The following RFX2 variants were observed in gnomAD, a reference collection of about 807,000 sequenced individuals.
The protein encoded by RFX2 is regulatory factor X2.
RFX2 carries 20 observed loss-of-function variants against 87.8 expected under a neutral mutation model. That is an observed-to-expected ratio of 0.23 (90% CI 0.16 to 0.33). The LOEUF (loss-of-function observed/expected upper bound fraction) is 0.33. Ranked by LOEUF, RFX2 falls within the 10% of genes least tolerant of loss-of-function variation. The pLI, the probability that RFX2 is intolerant of heterozygous loss-of-function variation, is 1.00. For missense variants in RFX2, 767 were observed against 1,012.3 expected (o/e 0.76, Z 3.29); for synonymous variants, 397 against 431.3 (o/e 0.92, Z 0.98).
rs1383911769 is a variant in RFX2 at position 5,994,489 on chromosome 19, A to T, written c.*346T>A. The T allele has an allele frequency of 3.8e-6, 1 of 259,860 alleles. No homozygotes were observed. The highest frequency in any genetic ancestry group is 7.4e-6 in the Non-Finnish European group (1 of 134,490). 16.1% of individuals were successfully genotyped at this position (259,860 alleles called of 1,614,324 possible). ...GTTGAGTGCAGAGGCCAGTGCTCTC[A>T]GCACAGCCCTTTCAGCTCTTAAAGG... On this transcript the variant is annotated 3_prime_UTR_variant, in exon 18 of 18. Transcript: ENST00000303657.
At chr19:6,003,675 A>AG (rs1034183543) in intron 13 of RFX2, among the ~76,000 whole-genome samples, 1 of 145,624 alleles carries the variant, frequency 6.9e-6, no homozygotes, top group Non-Finnish European at 1.5e-5. Flanking sequence ...GCTATTCGGG[A>AG]GGCTGAGGCA....
chr19:6,045,812 C>T lies in RFX2; in HGVS notation c.91-1530G>A, dbSNP rs2087181328. 4.6e-5 allele frequency among the ~76,000 whole-genome samples: 7 copies of T among 152,140 alleles called. No individual in the cohort carries two copies. In the South Asian group the frequency reaches 1.2e-3, roughly 27 times the overall value. On this transcript the variant is annotated intron_variant, in intron 2 of 17. Coordinates refer to ENST00000303657, the MANE Select transcript of RFX2 (RefSeq NM_000635.4). This position sits in a 1 kb window ranked among gnomAD's most constrained non-coding sequence, Gnocchi z 5.2. ...TCAGCTTCCCGAGTAGCTGGGATTA[C>T]AAGCATGTGCCACAATGCTCGGCTA... is the stretch of plus-strand genomic sequence containing the variant.
chr19:6,000,645 G>A (rs2086478624), intron 15 of RFX2, among the ~76,000 whole-genome samples: 1 of 152,242 alleles, frequency 6.6e-6, no homozygotes, highest in Admixed American at 6.5e-5. Context: ...TCTCTTGCCT[G>A]CCGCCATGGA....
intron 1 of RFX2, chr19:6,073,159 T>C (rs1346060600): frequency 4.5e-6 from 2 of 443,806 alleles, no homozygotes; most frequent in Non-Finnish European, 8.4e-6. Context: ...TTTGTATTTT[T>C]ATTAGAGACG....
intron 1 of RFX2, among the ~76,000 whole-genome samples, chr19:6,081,273 C>T (rs1568188743): frequency 6.6e-6 from 1 of 152,230 alleles, no homozygotes; most frequent in East Asian, 1.9e-4. Flanking sequence ...CTTTGGGAGG[C>T]CAAGGTGAGA....
chr19:6,050,750 G>GA lies in RFX2; in HGVS notation c.-8-3247dup, dbSNP rs1197753573. 1.3e-5 allele frequency among the ~76,000 whole-genome samples: 2 copies of GA among 151,974 alleles called. No individual in the cohort carries two copies. Among genetic ancestry groups the GA allele is most frequent in the African/African-American group, 4.8e-5 (2 of 41,396 alleles). ...CAGAAGAGAAAAAGAGAATGTAAGA[G>GA]AAAAAAATATTGAAAAATGGCCAAA... is the stretch of plus-strand genomic sequence containing the variant. On this transcript the variant is annotated intron_variant, in intron 1 of 17. Transcript: ENST00000303657. This position sits in a 1 kb window ranked among gnomAD's most constrained non-coding sequence, Gnocchi z 4.6.
At position 6,046,605 on chromosome 19, in the gene RFX2, CTTTTTTTTTTTT is replaced by C. The variant is rs55854937; in HGVS notation, c.90+790_90+801del. 9.8e-3 allele frequency among the ~76,000 whole-genome samples: 892 copies of C among 90,606 alleles called. 13 individuals carry two copies. Among genetic ancestry groups the C allele is most frequent in the African/African-American group, 0.034 (847 of 25,150 alleles). The allele number at this position is 90,606 out of a possible 152,430, so 59.4% of individuals were successfully genotyped here. ...TCTAACTCATCTTTTGCCTTTTTGC[CTTTTTTTTTTTT>C]TTTTTTTTTTTTTTGTCACTTAGGT... On this transcript the variant is annotated intron_variant, in intron 2 of 17. Coordinates refer to ENST00000303657, the MANE Select transcript of RFX2 (RefSeq NM_000635.4).
In RFX2 at chr19:6,044,087, C is replaced by G; in HGVS notation, c.180+106G>C. The G allele has an allele frequency of 1.7e-6, 1 of 575,406 alleles. No homozygotes were observed. 35.6% of individuals were successfully genotyped at this position (575,406 alleles called of 1,614,324 possible). ...TTGGCTAAGAAACTGAAGCTTACAA[C>G]AAGGAACAGCAGCCACAGAAAAGGA... On this transcript the variant is annotated intron_variant, in intron 3 of 17. Transcript: ENST00000303657. The surrounding 1 kb of genome is among the most constrained non-coding windows in gnomAD (Gnocchi z 5.3).
At chr19:6,031,964 A>T (rs1010038568) in intron 5 of RFX2, among the ~76,000 whole-genome samples, 4 of 151,984 alleles carry the variant, frequency 2.6e-5, no homozygotes, top group Admixed American at 6.6e-5. Context: ...AAATATGGAG[A>T]CACGAGACAG....
intron 1 of RFX2, among the ~76,000 whole-genome samples, chr19:6,107,338 C>T (rs1599941673): frequency 1.3e-5 from 2 of 148,524 alleles, no homozygotes; most frequent in Non-Finnish European, 3.0e-5. Flanking sequence ...GTGCAGGGGC[C>T]GGGTTTGGTG....
intron 5 of RFX2, among the ~76,000 whole-genome samples, chr19:6,035,057 C>T (rs1158159663): frequency 6.6e-6 from 1 of 152,120 alleles, no homozygotes; most frequent in East Asian, 1.9e-4. Flanking sequence ...TGATCTTCTG[C>T]TGTATTAGTC....
chr19:6,043,038 T>G (rs1233366348), intron 3 of RFX2, among the ~76,000 whole-genome samples: 1 of 152,172 alleles, frequency 6.6e-6, no homozygotes, highest in African/African-American at 2.4e-5. Context: ...GAGCATGGTA[T>G]GCACTTGTCC....
At chr19:6,072,159 A>G (rs2087615731) in intron 1 of RFX2, 1 of 152,270 alleles carries the variant, frequency 6.6e-6, no homozygotes, top group African/African-American at 2.4e-5. Context: ...TGAGAGATGG[A>G]AAGAGAAACA....
At chr19:6,042,152 C>G (rs1428797248) in intron 3 of RFX2, 29 bp from the exon 4 acceptor site, 12 of 1,596,314 alleles carry the variant, frequency 7.5e-6, no homozygotes, top group Non-Finnish European at 1.0e-5. Flanking sequence ...TGCGTTACCG[C>G]CAGTCACGCC....
chr19:6,029,144 C>T (rs1267123034), intron 5 of RFX2, among the ~76,000 whole-genome samples: 1 of 149,758 alleles, frequency 6.7e-6, no homozygotes, highest in Non-Finnish European at 1.5e-5. Flanking sequence ...CGATCAACAA[C>T]ACCTATAAGC....
In RFX2 at chr19:6,004,267, G is replaced by A; in HGVS notation, c.1434C>T (p.Ala478=). ...TTGTCAACCAGCCTTCCAAGCTCTT[G>A]GCAAAGTTACGGATGGCCTGTGTCA... ...STLTQAIRNF[A]KSLEGWLTNA... The change falls in exon 13 of 18, where the codon GCC becomes GCT. Residue 478 remains alanine, a synonymous_variant. Transcript: ENST00000303657. The surrounding 1 kb of genome is among the most constrained non-coding windows in gnomAD (Gnocchi z 4.8). The A allele has an allele frequency of 6.2e-7, 1 of 1,613,910 alleles. No homozygotes were observed. The highest frequency in any genetic ancestry group is 8.5e-7 in the Non-Finnish European group (1 of 1,179,904).
At position 6,004,049 on chromosome 19, in the gene RFX2, G is replaced by A; in HGVS notation, c.1500+152C>T. On this transcript the variant is annotated intron_variant, in intron 13 of 17. Coordinates refer to ENST00000303657, the MANE Select transcript of RFX2 (RefSeq NM_000635.4). This position sits in a 1 kb window ranked among gnomAD's most constrained non-coding sequence, Gnocchi z 4.8. ...TCCTGCCAGCACTGACGCGTCACCG[G>A]CAGTGTGCTCAGGGCTTCCTGAAGG... 1 of 648,748 alleles carries A rather than the reference G, an allele frequency of 1.5e-6. No individual in the cohort carries two copies. Among genetic ancestry groups the A allele is most frequent in the Non-Finnish European group, 2.8e-6 (1 of 357,186 alleles). The allele number at this position is 648,748 out of a possible 1,614,324, so 40.2% of individuals were successfully genotyped here.
At chr19:6,051,283 A>G (rs2087262727) in intron 1 of RFX2, among the ~76,000 whole-genome samples, 1 of 152,104 alleles carries the variant, frequency 6.6e-6, no homozygotes, top group Non-Finnish European at 1.5e-5. Flanking sequence ...TCTTCTCTTA[A>G]TTTATTTTAA....
At position 6,002,633 on chromosome 19, in the gene RFX2, G is replaced by T. The variant is rs2086507117; in HGVS notation, c.1650+88C>A. On this transcript the variant is annotated intron_variant, in intron 14 of 17. Transcript: ENST00000303657. This position sits in a 1 kb window ranked among gnomAD's most constrained non-coding sequence, Gnocchi z 6.7. ...TGGCCAGGCTCGGGGCAGGGGCCAG[G>T]TTGTGCCACGGGCTCCACTTGGTGG... 2 of 1,530,970 alleles carry T rather than the reference G, an allele frequency of 1.3e-6. No homozygotes were observed. Among genetic ancestry groups the T allele is most frequent in the African/African-American group, 1.4e-5 (1 of 73,606 alleles). The allele number at this position is 1,530,970 out of a possible 1,614,324, so 94.8% of individuals were successfully genotyped here. A position where few individuals can be genotyped will look rare whatever the true frequency, so the allele number is the denominator to read the frequency against.
Sources: allele counts gnomAD v4.1 joint callset (sites outside exome capture counted in the v4.1 genomes callset), GRCh38; gene constraint gnomAD v4.1.1; non-coding constraint Gnocchi (gnomAD v3.1); transcripts MANE v1.5; gene names NCBI Gene and HGNC (gene_info 2026-07-23, HGNC 2026-07-21).